KIN: variants seen among roughly 807,000 people sequenced by gnomAD.
KIN encodes the protein DNA/RNA-binding protein KIN17.
A neutral mutation model predicts 63.0 loss-of-function variants in KIN; 47 were observed. That is an observed-to-expected ratio of 0.75 (90% CI 0.59 to 0.95). The LOEUF (loss-of-function observed/expected upper bound fraction) is 0.95. Among genes scored for constraint, KIN ranks in the 40% least tolerant of loss-of-function variants. The pLI, the probability that KIN is intolerant of heterozygous loss-of-function variation, is 0.00. For missense variants in KIN, 408 were observed against 460.9 expected, an observed-to-expected ratio of 0.89 and a Z score of 1.05; for synonymous variants, 160 against 157.7, an observed-to-expected ratio of 1.01 and a Z score of -0.11.
In KIN at chr10:7,774,904, AAT is replaced by A; in HGVS notation, c.608-15_608-14del. ...AAATTAAACGTGACTAGAAGAAAAA[AAT>A]GTTATTCCATACATACATTTCAAGA... On this transcript the variant is annotated splice_polypyrimidine_tract_variant and intron_variant, in intron 6 of 12. Coordinates refer to ENST00000379562, the MANE Select transcript of KIN (RefSeq NM_012311.4). The A allele has an allele frequency of 6.3e-7, 1 of 1,595,410 alleles. No individual in the cohort carries two copies. The highest frequency in any genetic ancestry group is 8.6e-7 in the Non-Finnish European group (1 of 1,163,842).
Position 7,778,894 on chromosome 10 carries a change from T to C in KIN, c.502A>G (p.Lys168Glu), listed in dbSNP as rs775536218. The change falls in exon 5 of 13, where the codon AAA becomes GAA. Residue 168 changes from lysine to glutamate, a missense_variant. Lys to Glu is a moderately conservative substitution (Grantham distance 56). Transcript: ENST00000379562. Reference protein sequence around the residue: ...KKKQDLDDEEKTAKFIEEQVR... With the variant: ...KKKQDLDDEEETAKFIEEQVR... ...TGCTCTTCAATAAATTTGGCAGTTT[T>C]TTCTTCATCATCAAGGTCCTGCTTT... The C allele has an allele frequency of 6.8e-6, 11 of 1,614,062 alleles. No homozygotes were observed. Among genetic ancestry groups the C allele is most frequent in the African/African-American group, 1.3e-5 (1 of 74,914 alleles).
intron 7 of KIN, among the ~76,000 whole-genome samples, chr10:7,770,467 A>G (rs905028633): frequency 1.3e-5 from 2 of 152,198 alleles, no homozygotes; most frequent in Non-Finnish European, 2.9e-5. Context: ...AGGTCCATTC[A>G]TGAGGGTTCT....
chr10:7,779,117 C>G (rs192001133), intron 4 of KIN, 98 bp from the exon 5 acceptor site: 18 of 1,428,862 alleles, frequency 1.3e-5, no homozygotes, highest in Non-Finnish European at 1.7e-5. Context: ...TTCAAACACA[C>G]ACAAATCAGG....
At chr10:7,777,035 CAG>C (rs1174727779) in intron 5 of KIN, among the ~76,000 whole-genome samples, 1 of 107,614 alleles carries the variant, frequency 9.3e-6, no homozygotes, top group African/African-American at 3.7e-5. Flanking sequence ...AGCCTGGTGA[CAG>C]AGAGAGACAG....
intron 8 of KIN, 133 bp downstream of exon 8, chr10:7,769,083 T>G: frequency 1.4e-6 from 1 of 699,352 alleles, no homozygotes; most frequent in Non-Finnish European, 2.3e-6. Context: ...TTCGGGGAAC[T>G]GTATGTAGCT....
Position 7,754,038 on chromosome 10 carries a change from G to C in KIN, c.*2042C>G. ...GTTTTTTGTTTGAACTCTTGTAGAA[G>C]ATCAACTCAGGCAAGGCGTGGTAGC... On this transcript the variant is annotated 3_prime_UTR_variant, in exon 13 of 13. Coordinates refer to ENST00000379562, the MANE Select transcript of KIN (RefSeq NM_012311.4). 1 of 455,948 alleles carries C rather than the reference G, an allele frequency of 2.2e-6. No individual in the cohort carries two copies. The highest frequency in any genetic ancestry group is 1.5e-5 in the South Asian group (1 of 64,548). 28.2% of individuals were successfully genotyped at this position (455,948 alleles called of 1,614,324 possible). A position where few individuals can be genotyped will look rare whatever the true frequency, so the allele number is the denominator to read the frequency against.
intron 5 of KIN, among the ~76,000 whole-genome samples, chr10:7,778,483 G>A (rs922876106): frequency 6.6e-6 from 1 of 152,182 alleles, no homozygotes; most frequent in Non-Finnish European, 1.5e-5. Context: ...GCTCACGCCT[G>A]TAATCCTGTA....
intron 1 of KIN, among the ~76,000 whole-genome samples, chr10:7,785,813 G>T (rs2802459): frequency 0.21 from 28,015 of 135,394 alleles, 2,788 homozygotes; most frequent in Admixed American, 0.26. Context: ...ACTCTGTCTA[G>T]AAAAAAAAAA....
chr10:7,765,693 A>T (rs1337637422), intron 9 of KIN, among the ~76,000 whole-genome samples: 1 of 152,196 alleles, frequency 6.6e-6, no homozygotes, highest in East Asian at 1.9e-4. Context: ...AATAAGTTGT[A>T]AACTGAAAAC....
intron 9 of KIN, among the ~76,000 whole-genome samples, chr10:7,764,612 T>C (rs1835502427): frequency 6.6e-6 from 1 of 152,240 alleles, no homozygotes; most frequent in South Asian, 2.1e-4. Context: ...GGGTATTTAA[T>C]AGTAGAAAGA....
In KIN at chr10:7,787,922, C is replaced by G. The variant is rs775703505; in HGVS notation, c.12G>C (p.Ser4=). The part of the protein sequence containing the change: MGK[S]DFLTPKAIAN... ...CGATAGCCTTGGGAGTAAGAAAATC[C>G]GACTTCCCCATGGCGACCACGGCAG... The change falls in exon 1 of 13, where the codon TCG becomes TCC. Residue 4 remains serine (S), a synonymous_variant. Transcript: ENST00000379562. The G allele has an allele frequency of 1.2e-6, 2 of 1,612,944 alleles. No individual in the cohort carries two copies. The highest frequency in any genetic ancestry group is 1.7e-6 in the Non-Finnish European group (2 of 1,179,008).
chr10:7,784,849 A>G (rs1273502434), intron 1 of KIN, among the ~76,000 whole-genome samples: 5 of 152,154 alleles, frequency 3.3e-5, no homozygotes, highest in African/African-American at 1.2e-4. Context: ...GGAAAATAAT[A>G]CTTTCTAATA....
At chr10:7,784,250 T>A (rs1835953558) in intron 1 of KIN, among the ~76,000 whole-genome samples, 1 of 152,038 alleles carries the variant, frequency 6.6e-6, no homozygotes, top group Non-Finnish European at 1.5e-5. Flanking sequence ...AAAGAATTAA[T>A]CCTTTACTCC....
In KIN at chr10:7,753,951, C is replaced by T. The variant is rs746115378; in HGVS notation, c.*2129G>A. On this transcript the variant is annotated 3_prime_UTR_variant, in exon 13 of 13. Coordinates refer to ENST00000379562, the MANE Select transcript of KIN (RefSeq NM_012311.4). ...AGAGATCCCAGGGTTTGGCACCATA[C>T]CTGTGTCTGACGTCAGCTTATACCC... 2 of 437,248 alleles carry T rather than the reference C, an allele frequency of 4.6e-6. No homozygotes were observed. Among genetic ancestry groups the T allele is most frequent in the Non-Finnish European group, 9.3e-6 (2 of 215,556 alleles). 27.1% of individuals were successfully genotyped at this position (437,248 alleles called of 1,614,324 possible). A position where few individuals can be genotyped will look rare whatever the true frequency, so the allele number is the denominator to read the frequency against.
chr10:7,785,020 CAGG>C (rs775886152), intron 1 of KIN, among the ~76,000 whole-genome samples: 14 of 152,146 alleles, frequency 9.2e-5, no homozygotes, highest in East Asian at 1.9e-4. Flanking sequence ...GAGGCCGAGG[CAGG>C]AGGAGTGCTT....
At chr10:7,763,694 A>C in intron 10 of KIN, 29 bp downstream of exon 10, 1 of 1,306,538 alleles carries the variant, frequency 7.7e-7, no homozygotes, top group Non-Finnish European at 1.1e-6. Flanking sequence ...CTTTTTTCAC[A>C]AATTCCATTC....
At position 7,769,287 on chromosome 10, in the gene KIN, C is replaced by A. The variant is rs1835618014; in HGVS notation, c.727G>T (p.Glu243Ter). The change falls in exon 8 of 13, where the codon GAA becomes TAA. Residue 243 changes from glutamate to a stop codon, truncating the protein, a stop_gained. Coordinates refer to ENST00000379562, the MANE Select transcript of KIN (RefSeq NM_012311.4). LOFTEE classifies it high-confidence loss of function. Reference sequence around the variant, plus strand: ...GACTGAGTTGAGCTCTGGGAAGATTCTTTTCGTTTCACTGATGCTGAACTT... The same window carrying A: ...GACTGAGTTGAGCTCTGGGAAGATTATTTTCGTTTCACTGATGCTGAACTT... ...IGSSASVKRK[E>*]SSQSSTQSKE... is the part of the protein sequence containing the mutation. The A allele has an allele frequency of 2.5e-6, 4 of 1,613,738 alleles. No homozygotes were observed. The highest frequency in any genetic ancestry group is 3.4e-6 in the Non-Finnish European group (4 of 1,179,780).
chr10:7,772,175 C>T (rs1354944661), intron 7 of KIN, among the ~76,000 whole-genome samples: 1 of 152,088 alleles, frequency 6.6e-6, no homozygotes, highest in Non-Finnish European at 1.5e-5. Context: ...TAAAAAAATT[C>T]GAGGTCATCT....
At chr10:7,758,227 G>A (rs562293602) in intron 12 of KIN, among the ~76,000 whole-genome samples, 25 of 152,098 alleles carry the variant, frequency 1.6e-4, no homozygotes, top group African/African-American at 4.8e-4. Context: ...TTGCCACCGC[G>A]CCCAGCTAAT....
Sources: gnomAD v4.1 joint callset for allele counts (sites outside exome capture counted in the v4.1 genomes callset) on GRCh38, gnomAD v4.1.1 for gene constraint, MANE v1.5 for transcripts, NCBI Gene and HGNC (gene_info 2026-07-23, HGNC 2026-07-21) for gene names.